Variants in TRIM49C observed in about 807,000 individuals in gnomAD.
TRIM49C encodes the protein tripartite motif-containing protein 49C.
TRIM49C carries 6 observed loss-of-function variants against 21.4 expected under a neutral mutation model. The ratio of observed to expected loss-of-function variants is 0.28; its 90% CI spans 0.15 to 0.55. TRIM49C has a LOEUF of 0.55. Ranked by LOEUF, TRIM49C falls within the 20% of genes least tolerant of loss-of-function variation. The pLI, the probability that TRIM49C is intolerant of heterozygous loss-of-function variation, is 0.94. For missense variants in TRIM49C, 161 were observed against 442.4 expected (o/e 0.36, Z 5.71); for synonymous variants, 57 against 148.1 (o/e 0.38, Z 4.47).
the TRIM49C span, among the ~76,000 whole-genome samples, chr11:90,049,032 T>G: frequency 7.9e-6 from 1 of 127,308 alleles, no homozygotes; most frequent in Admixed American, 8.8e-5. Flanking sequence ...GGAGGTCCAC[T>G]CCAGACGCTG....
chr11:90,055,002 A>G, the TRIM49C span, among the ~76,000 whole-genome samples: 8 of 149,800 alleles, frequency 5.3e-5, no homozygotes, highest in Admixed American at 3.4e-4. Context: ...TCTAGCATCA[A>G]CAGAAAAGCT....
chr11:90,067,718 A>G, the TRIM49C span, among the ~76,000 whole-genome samples: 1 of 140,258 alleles, frequency 7.1e-6, no homozygotes, highest in Non-Finnish European at 1.5e-5. Flanking sequence ...CGCATATTTT[A>G]TATGTTATGT....
chr11:90,037,720 C>A, intron 4 of TRIM49C, 29 bp from the exon 5 acceptor site: 1 of 181,394 alleles, frequency 5.5e-6, no homozygotes, highest in South Asian at 4.3e-5. Flanking sequence ...ATATACATTT[C>A]TCTTTTGACT....
At chr11:90,071,569 A>G in the TRIM49C span, 218 of 499,612 alleles carry the variant, frequency 4.4e-4, 19 homozygotes, top group Middle Eastern at 3.5e-3. Context: ...AGGGCCACAA[A>G]CCCATCCTAG....
chr11:90,071,835 C>A, the TRIM49C span: 3 of 776,896 alleles, frequency 3.9e-6, no homozygotes, highest in Non-Finnish European at 6.0e-6. Context: ...GCAATGCCTT[C>A]AGTTATGGTT....
rs1485093426 is a variant in TRIM49C, at chr11:90,033,351, T to C, written c.-5+769T>C. On this transcript the variant is annotated intron_variant, in intron 2 of 7. Transcript: ENST00000448984. ...AGTCAGGGTTCTCCAGACAGAACCA[T>C]AGGATGTATACATATATGTGTGCAG... Among the ~76,000 whole-genome samples the C allele has an allele frequency of 2.2e-5, 3 of 133,840 alleles. 1 individual carries two copies. Among genetic ancestry groups the C allele is most frequent in the African/African-American group, 8.0e-5 (3 of 37,306 alleles). 87.8% of individuals were successfully genotyped at this position (133,840 alleles called of 152,430 possible).
At chr11:90,059,839 A>G in the TRIM49C span, among the ~76,000 whole-genome samples, 1 of 146,724 alleles carries the variant, frequency 6.8e-6, no homozygotes, top group South Asian at 2.2e-4. Flanking sequence ...GGCCCGGGTC[A>G]TTGATGCTTT....
intron 4 of TRIM49C, among the ~76,000 whole-genome samples, chr11:90,037,068 T>C (rs1328107534): frequency 1.2e-4 from 1 of 8,456 alleles, no homozygotes; most frequent in African/African-American, 4.5e-4. Context: ...TGGTTGTGTG[T>C]ATATATGTAT....
the TRIM49C span, among the ~76,000 whole-genome samples, chr11:90,054,688 C>A: frequency 7.6e-6 from 1 of 132,348 alleles, no homozygotes; most frequent in African/African-American, 2.8e-5. Flanking sequence ...GTAAGTAATT[C>A]TTGGTGATAT....
chr11:90,068,713 C>T, the TRIM49C span, among the ~76,000 whole-genome samples: 4 of 127,536 alleles, frequency 3.1e-5, no homozygotes, highest in African/African-American at 5.9e-5. Flanking sequence ...AAAAGTGAAG[C>T]TGGCACAGTG....
the TRIM49C span, among the ~76,000 whole-genome samples, chr11:90,059,957 G>C: frequency 7.2e-6 from 1 of 139,394 alleles, no homozygotes; most frequent in Non-Finnish European, 1.5e-5. Flanking sequence ...ACACCTCTAT[G>C]ATTCCTCAGA....
At chr11:90,048,407 C>T in the TRIM49C span, among the ~76,000 whole-genome samples, 1 of 123,208 alleles carries the variant, frequency 8.1e-6, no homozygotes, top group South Asian at 3.0e-4. Flanking sequence ...CATCACCAAT[C>T]AGACACAGAT....
the TRIM49C span, among the ~76,000 whole-genome samples, chr11:90,063,158 A>C: frequency 7.9e-6 from 1 of 126,702 alleles, no homozygotes; most frequent in Non-Finnish European, 1.6e-5. Flanking sequence ...AGACATAGTA[A>C]ATGCAAACAT....
the TRIM49C span, among the ~76,000 whole-genome samples, chr11:90,067,387 A>T: frequency 5.1e-3 from 739 of 145,886 alleles, 5 homozygotes; most frequent in African/African-American, 0.018. Context: ...AGCTAAAAAA[A>T]TTTTATTTCC....
downstream of TRIM49C, among the ~76,000 whole-genome samples, chr11:90,045,189 T>C (rs1459356919): frequency 4.5e-5 from 6 of 134,500 alleles, 1 homozygote; most frequent in Non-Finnish European, 6.3e-5. Context: ...CCTTGTAGTA[T>C]AGTTTGAAGT....
chr11:90,031,556 C>G (rs1440815385), intron 1 of TRIM49C, among the ~76,000 whole-genome samples: 8 of 147,672 alleles, frequency 5.4e-5, no homozygotes, highest in African/African-American at 1.7e-4. Flanking sequence ...GTGAATTTGC[C>G]TATATGCTAA....
chr11:90,043,822 C>A (rs1950786346), downstream of TRIM49C, among the ~76,000 whole-genome samples: 1 of 119,228 alleles, frequency 8.4e-6, no homozygotes, highest in African/African-American at 3.4e-5. Context: ...TACATGTGCA[C>A]AAAGTGCAGG....
chr11:90,071,455 A>G, the TRIM49C span, among the ~76,000 whole-genome samples: 1 of 142,744 alleles, frequency 7.0e-6, no homozygotes, highest in African/African-American at 2.5e-5. Context: ...AGGATTCAGA[A>G]TCATAATTAG....
chr11:90,046,866 T>C (rs1319425914), downstream of TRIM49C, among the ~76,000 whole-genome samples: 2 of 124,506 alleles, frequency 1.6e-5, no homozygotes. Context: ...TGTTAGGGTG[T>C]CAATTTTGGA....
Sources: gnomAD v4.1 joint callset for allele counts (sites outside exome capture counted in the v4.1 genomes callset) on GRCh38, gnomAD v4.1.1 for gene constraint, MANE v1.5 for transcripts, NCBI Gene and HGNC (gene_info 2026-07-23, HGNC 2026-07-21) for gene names.